The following ATRX variants were observed in gnomAD, a reference collection of about 807,000 sequenced individuals.
ATRX encodes the protein chromatin remodeler ATRX.
ATRX carries 12 observed loss-of-function variants against 172.6 expected under a neutral mutation model. The observed-to-expected ratio is 0.07, with a 90% CI of 0.04 to 0.11. The LOEUF (loss-of-function observed/expected upper bound fraction) is 0.11, where lower values mean the gene tolerates loss of function less well. Among genes scored for constraint, ATRX ranks in the 10% least tolerant of loss-of-function variants. ATRX has a pLI of 1.00. For missense variants in ATRX, 1,368 were observed against 1,767.4 expected, an observed-to-expected ratio of 0.77 and a Z score of 4.05; for synonymous variants, 674 against 594.7, an observed-to-expected ratio of 1.13 and a Z score of -1.94.
Position 77,682,623 on chromosome X carries a change from T to C in ATRX, c.2633A>G (p.Asp878Gly), listed in dbSNP as rs2071285505. Residue 878 changes from aspartate to glycine, a missense_variant, in exon 9 of 35, where the codon GAT becomes GGT. By Grantham distance (94) the Asp-to-Gly change is moderately conservative. This residue lies in a region of ATRX where 843 missense variants were observed against 643.1 expected (regional missense o/e 1.31). Coordinates refer to ENST00000373344, the MANE Select transcript of ATRX (RefSeq NM_000489.6). ...CTCTCTCTCTTGTTTTCTTTCAGCA[T>C]CATCAGATGATCCTTCTTGTGAGGT... is the stretch of plus-strand genomic sequence containing the variant. Reference protein sequence around the residue: ...LKTSQEGSSDDAERKQERETF... With the variant: ...LKTSQEGSSDGAERKQERETF... 8.3e-7 allele frequency: 1 copy of C among 1,210,422 alleles called. No homozygotes were observed. The highest frequency in any genetic ancestry group is 1.1e-6 in the Non-Finnish European group (1 of 895,402).
At chrX:77,732,549 G>C (rs2074341885) in intron 1 of ATRX, among the ~76,000 whole-genome samples, 1 of 111,620 alleles carries the variant, frequency 9.0e-6, no homozygotes, top group South Asian at 3.7e-4. Flanking sequence ...CAAAATACTA[G>C]CAAATCAGAC....
intron 19 of ATRX, among the ~76,000 whole-genome samples, chrX:77,625,183 C>T (rs1210556078): frequency 6.2e-5 from 7 of 112,252 alleles, no homozygotes; most frequent in Non-Finnish European, 1.3e-4. Flanking sequence ...GGATAATTGG[C>T]TACCCACATG....
At chrX:77,529,025 A>G (rs1439562014) in intron 30 of ATRX, among the ~76,000 whole-genome samples, 1 of 112,268 alleles carries the variant, frequency 8.9e-6, no homozygotes, top group Admixed American at 9.4e-5. Context: ...GCAAACTATC[A>G]ATAGCAGAAG....
In ATRX at chrX:77,663,936, T is replaced by C. The variant is rs781834670; in HGVS notation, c.3944-378A>G. On this transcript the variant is annotated intron_variant, in intron 11 of 34. Transcript: ENST00000373344. ...GATCAACATGGAGAAACCCCGTCTCTACTAAAAATACAAAATTAGCAGGGT... is the reference window on the plus strand; with the variant it reads ...GATCAACATGGAGAAACCCCGTCTCCACTAAAAATACAAAATTAGCAGGGT... Among the ~76,000 whole-genome samples the C allele has an allele frequency of 1.3e-3, 142 of 110,699 alleles. 1 individual carries two copies. The highest frequency in any genetic ancestry group is 2.0e-3 in the Non-Finnish European group (108 of 52,900).
intron 30 of ATRX, among the ~76,000 whole-genome samples, chrX:77,532,341 A>G (rs2063605351): frequency 8.9e-6 from 1 of 112,012 alleles, no homozygotes; most frequent in Non-Finnish European, 1.9e-5. Flanking sequence ...ATGAATCCTA[A>G]GCAAAAAGAA....
rs1401208520 is a variant in ATRX at position 77,684,802 on chromosome X, G to C, written c.662+137C>G. The C allele has an allele frequency of 8.0e-6, 6 of 748,795 alleles. No individual in the cohort carries two copies. In the African/African-American group the frequency reaches 8.5e-5, roughly 11 times the overall value. The allele number at this position is 748,795 out of a possible 1,213,427, so 61.7% of individuals were successfully genotyped here. A position where few individuals can be genotyped will look rare whatever the true frequency, so the allele number is the denominator to read the frequency against. On this transcript the variant is annotated intron_variant, in intron 8 of 34. Coordinates refer to ENST00000373344, the MANE Select transcript of ATRX (RefSeq NM_000489.6). ...GAAACTTAAACTAGACATAAATCCA[G>C]GGTTTTATGGAAAAGAACAACCTTT...
intron 23 of ATRX, among the ~76,000 whole-genome samples, chrX:77,600,058 A>C (rs894361948): frequency 1.2e-4 from 13 of 111,535 alleles, no homozygotes; most frequent in African/African-American, 3.9e-4. Flanking sequence ...AAGAAATCCA[A>C]ATAAAGTCTG....
intron 30 of ATRX, among the ~76,000 whole-genome samples, chrX:77,540,206 AAAAGAGAC>A (rs1404163066): frequency 8.9e-6 from 1 of 111,904 alleles, no homozygotes; most frequent in Non-Finnish European, 1.9e-5. Flanking sequence ...AACAAAGATC[AAAAGAGAC>A]AAAGAAGGGC....
rs782761634 is a variant in ATRX, at chrX:77,689,474, A to C, written c.485-547T>G. On this transcript the variant is annotated intron_variant, in intron 6 of 34. Coordinates refer to ENST00000373344, the MANE Select transcript of ATRX (RefSeq NM_000489.6). The stretch of plus-strand genomic sequence containing the variant: ...AACACTATACATAAATTGTCATTAA[A>C]CTGCCTTTTTTCTATGTGTACTCCA... 6.3e-5 allele frequency among the ~76,000 whole-genome samples: 7 copies of C among 111,867 alleles called. No homozygotes were observed. The South Asian group carries it at 2.6e-3, about 41-fold the overall frequency.
intron 2 of ATRX, among the ~76,000 whole-genome samples, chrX:77,699,910 C>A (rs1557152490): frequency 8.9e-6 from 1 of 112,086 alleles, no homozygotes; most frequent in African/African-American, 3.2e-5. Context: ...AAGGAGGCAA[C>A]ATTTCCCAAC....
chrX:77,765,532 C>A (rs2075877703), intron 1 of ATRX, among the ~76,000 whole-genome samples: 2 of 111,360 alleles, frequency 1.8e-5, no homozygotes. Context: ...CAGAAAACAA[C>A]CTAATGGACT....
At position 77,783,215 on chromosome X, in the gene ATRX, A is replaced by G. The variant is rs112422135; in HGVS notation, c.20+2767T>C. Among the ~76,000 whole-genome samples, 944 of 112,121 alleles carry G rather than the reference A, an allele frequency of 8.4e-3. 10 individuals carry two copies. The highest frequency in any genetic ancestry group is 0.028 in the African/African-American group (878 of 30,915). ...ACGCCCCTTCACTCCAGCCTGGGCAACAAAGTGAGACTCTGTCTCAAAAAA... is the reference window on the plus strand; with the variant it reads ...ACGCCCCTTCACTCCAGCCTGGGCAGCAAAGTGAGACTCTGTCTCAAAAAA... On this transcript the variant is annotated intron_variant, in intron 1 of 34. Coordinates refer to ENST00000373344, the MANE Select transcript of ATRX (RefSeq NM_000489.6).
In ATRX at chrX:77,716,324, AT is replaced by A. The variant is rs1170941640; in HGVS notation, c.133+806del. On this transcript the variant is annotated intron_variant, in intron 2 of 34. Coordinates refer to ENST00000373344, the MANE Select transcript of ATRX (RefSeq NM_000489.6). Reference sequence around the variant, plus strand: ...TTTAAAAAAAAAAAAAAAAAAAAAAATATATATATATATATATATATATATC... The same window carrying A: ...TTTAAAAAAAAAAAAAAAAAAAAAAAATATATATATATATATATATATATC... Among the ~76,000 whole-genome samples the A allele has an allele frequency of 4.2e-3, 58 of 13,942 alleles. 1 individual carries two copies. Among genetic ancestry groups the A allele is most frequent in the African/African-American group, 9.4e-3 (53 of 5,654 alleles). 12.1% of individuals were successfully genotyped at this position (13,942 alleles called of 115,157 possible).
intron 1 of ATRX, among the ~76,000 whole-genome samples, chrX:77,730,341 G>GC (rs1331214632): frequency 8.9e-6 from 1 of 111,999 alleles, no homozygotes; most frequent in Non-Finnish European, 1.9e-5. Flanking sequence ...CATATATAAA[G>GC]CAAGTATTAT....
At chrX:77,785,908 C>T in intron 1 of ATRX, 74 bp downstream of exon 1, 1 of 1,137,875 alleles carries the variant, frequency 8.8e-7, no homozygotes, top group Non-Finnish European at 1.2e-6. Flanking sequence ...CAAGCGAACG[C>T]CTTCCCAAAC....
chrX:77,516,397 T>C (rs1557039129), intron 34 of ATRX, among the ~76,000 whole-genome samples: 3 of 111,643 alleles, frequency 2.7e-5, no homozygotes, highest in Non-Finnish European at 5.6e-5. Context: ...AAAAAAGATA[T>C]TTCATGAAAA....
At chrX:77,664,101 C>CAA (rs782623295) in intron 11 of ATRX, among the ~76,000 whole-genome samples, 59 of 64,200 alleles carry the variant, frequency 9.2e-4, no homozygotes, top group African/African-American at 3.0e-3. Context: ...AACTCTGTCT[C>CAA]AAAAAAAAAA....
chrX:77,781,425 T>C (rs1305078178), intron 1 of ATRX, among the ~76,000 whole-genome samples: 3 of 81,043 alleles, frequency 3.7e-5, no homozygotes, highest in East Asian at 3.7e-4. Flanking sequence ...CTGGGCAACA[T>C]AGTGAGACTC....
At chrX:77,611,528 C>A (rs2067152314) in intron 22 of ATRX, among the ~76,000 whole-genome samples, 2 of 110,746 alleles carry the variant, frequency 1.8e-5, no homozygotes, top group South Asian at 7.6e-4. Flanking sequence ...TTTTTAAACA[C>A]TAAATTTAAC....
Sources: gnomAD v4.1 joint callset for allele counts (sites outside exome capture counted in the v4.1 genomes callset) on GRCh38, gnomAD v4.1.1 for gene constraint, gnomAD v4.1.1 regional missense constraint, MANE v1.5 for transcripts, NCBI Gene and HGNC (gene_info 2026-07-23, HGNC 2026-07-21) for gene names.